The following GPHN variants were observed in gnomAD, a reference collection of about 807,000 sequenced individuals.
GPHN encodes gephyrin.
Under a neutral mutation model 95.5 loss-of-function variants are expected in GPHN, and 17 were observed. The observed-to-expected ratio is 0.18, with a 90% CI of 0.12 to 0.27. GPHN has a LOEUF of 0.27. Among genes scored for constraint, GPHN ranks in the 10% least tolerant of loss-of-function variants. GPHN has a pLI of 1.00. For missense variants in GPHN, 660 were observed against 978.1 expected (o/e 0.67, Z 4.34); for synonymous variants, 320 against 322.5 (o/e 0.99, Z 0.08).
At chr14:66,912,388 A>G (rs1464467266) in intron 5 of GPHN, among the ~76,000 whole-genome samples, 2 of 152,072 alleles carry the variant, frequency 1.3e-5, no homozygotes, top group African/African-American at 4.8e-5. Context: ...CCTAAGACTA[A>G]AATGCCCTTC....
chr14:67,241,867 C>G, the GPHN span: 2 of 152,182 alleles, frequency 1.3e-5, no homozygotes, highest in Non-Finnish European at 2.9e-5. Context: ...CCCCTGCGCC[C>G]TCTCTCCGAG....
the GPHN span, chr14:67,228,419 C>CT: frequency 5.0e-6 from 2 of 402,974 alleles, no homozygotes; most frequent in Non-Finnish European, 6.7e-6. Flanking sequence ...ACTTCTCCAC[C>CT]TTTTTTTAAA....
At position 66,965,342 on chromosome 14, in the gene GPHN, C is replaced by T. The variant is rs759708703; in HGVS notation, c.963+17C>T. On this transcript the variant is annotated intron_variant, in intron 9 of 22. Coordinates refer to ENST00000478722, the MANE Select transcript of GPHN (RefSeq NM_020806.5). Reference sequence around the variant, plus strand: ...ACACCAAAAGTAAGTATGGTTCCTTCGCATCTTACACCTGCTCTTCTATAG... The same window carrying T: ...ACACCAAAAGTAAGTATGGTTCCTTTGCATCTTACACCTGCTCTTCTATAG... 5.6e-6 allele frequency: 9 copies of T among 1,610,120 alleles called. No individual in the cohort carries two copies. The highest frequency in any genetic ancestry group is 7.6e-6 in the Non-Finnish European group (9 of 1,176,594).
chr14:66,668,403 C>G (rs2066094841), intron 1 of GPHN, among the ~76,000 whole-genome samples: 1 of 152,116 alleles, frequency 6.6e-6, no homozygotes, highest in South Asian at 2.1e-4. Context: ...CAATGATAGA[C>G]TGGATAAAGA....
intron 8 of GPHN, among the ~76,000 whole-genome samples, chr14:66,935,514 T>C (rs1029817206): frequency 6.6e-6 from 1 of 150,830 alleles, no homozygotes; most frequent in Non-Finnish European, 1.5e-5. Flanking sequence ...TTTATATATA[T>C]ATAAAACAAA....
At chr14:67,119,078 AATTGGTGGAT>A (rs1808524509) in intron 16 of GPHN, among the ~76,000 whole-genome samples, 1 of 152,184 alleles carries the variant, frequency 6.6e-6, no homozygotes. Flanking sequence ...AAAATAGGTG[AATTGGTGGAT>A]CACAGTCAGT....
chr14:67,577,954 G>T, the GPHN span: 1 of 1,454,368 alleles, frequency 6.9e-7, no homozygotes, highest in Non-Finnish European at 9.4e-7. Context: ...TTGGAAAATG[G>T]CCAAGCCGTT....
the GPHN span, among the ~76,000 whole-genome samples, chr14:67,537,344 A>AAAAATAAT: frequency 1.1e-4 from 14 of 124,526 alleles, no homozygotes; most frequent in African/African-American, 4.6e-4. Flanking sequence ...ACTCCATCTC[A>AAAAATAAT]AAAATAATAA....
chr14:67,433,819 A>G, the GPHN span, among the ~76,000 whole-genome samples: 4 of 152,188 alleles, frequency 2.6e-5, no homozygotes, highest in South Asian at 8.3e-4. Flanking sequence ...TGCTACAAGA[A>G]AGAATCACTG....
chr14:67,542,294 G>A, the GPHN span, among the ~76,000 whole-genome samples: 2 of 152,260 alleles, frequency 1.3e-5, no homozygotes, highest in Non-Finnish European at 2.9e-5. Flanking sequence ...TTCCCTTAAC[G>A]TTTCTTTCTC....
At chr14:67,717,558 G>A in the GPHN span, among the ~76,000 whole-genome samples, 1 of 152,182 alleles carries the variant, frequency 6.6e-6, no homozygotes, top group Non-Finnish European at 1.5e-5. Flanking sequence ...ATACACCAGG[G>A]TTATCCTTTA....
chr14:67,138,197 T>C (rs2080215376), intron 17 of GPHN, among the ~76,000 whole-genome samples: 1 of 152,220 alleles, frequency 6.6e-6, no homozygotes, highest in Non-Finnish European at 1.5e-5. Context: ...AACCTCAGTG[T>C]CCTCTTTTGT....
chr14:67,211,297 C>CA, the GPHN span, among the ~76,000 whole-genome samples: 1 of 152,026 alleles, frequency 6.6e-6, no homozygotes, highest in East Asian at 1.9e-4. Flanking sequence ...AAGATAGGTT[C>CA]AAGCAAACTG....
the GPHN span, among the ~76,000 whole-genome samples, chr14:67,430,098 G>A: frequency 6.6e-6 from 1 of 152,282 alleles, no homozygotes; most frequent in African/African-American, 2.4e-5. Flanking sequence ...TGCGAGAGGA[G>A]CCCGAACCTG....
chr14:67,282,572 A>T, the GPHN span, among the ~76,000 whole-genome samples: 2 of 152,178 alleles, frequency 1.3e-5, no homozygotes, highest in Non-Finnish European at 2.9e-5. Context: ...AATTGATAGA[A>T]AATACTCAGA....
chr14:66,562,300 T>C (rs562996344), intron 1 of GPHN, among the ~76,000 whole-genome samples: 1 of 152,272 alleles, frequency 6.6e-6, no homozygotes, highest in African/African-American at 2.4e-5. Context: ...TACTTGAAAA[T>C]TATTCAGACA....
the GPHN span, among the ~76,000 whole-genome samples, chr14:67,676,371 T>C: frequency 6.6e-6 from 1 of 152,206 alleles, no homozygotes; most frequent in South Asian, 2.1e-4. Flanking sequence ...GTATACTGTG[T>C]AAGTCCCACA....
the GPHN span, among the ~76,000 whole-genome samples, chr14:67,266,903 A>T: frequency 2.0e-5 from 3 of 151,958 alleles, no homozygotes; most frequent in African/African-American, 7.2e-5. Flanking sequence ...TGAGCCTAGG[A>T]GTTCGACACC....
chr14:67,505,986 C>A, the GPHN span, among the ~76,000 whole-genome samples: 1 of 152,102 alleles, frequency 6.6e-6, no homozygotes, highest in South Asian at 2.1e-4. Flanking sequence ...AGGTGTGAGC[C>A]ACCTCACCTG....
Sources: gnomAD v4.1 joint callset for allele counts (sites outside exome capture counted in the v4.1 genomes callset) on GRCh38, gnomAD v4.1.1 for gene constraint, MANE v1.5 for transcripts, NCBI Gene and HGNC (gene_info 2026-07-23, HGNC 2026-07-21) for gene names.